The following TFE3 variants were observed in gnomAD, a reference collection of about 807,000 sequenced individuals.
TFE3 encodes transcription factor E3.
Under a neutral mutation model 35.0 loss-of-function variants are expected in TFE3, and 5 were observed. The ratio of observed to expected loss-of-function variants is 0.14; its 90% confidence interval spans 0.07 to 0.30. TFE3 has a LOEUF of 0.30. Ranked by LOEUF, TFE3 falls within the 10% of genes least tolerant of loss-of-function variation. The probability of loss-of-function intolerance (pLI) is 1.00; values close to 1 mark genes in which losing one functional copy is unlikely to be tolerated. For synonymous variants in TFE3, 211 were observed against 215.6 expected (o/e 0.98, Z 0.18); for missense variants, 374 against 496.6 (o/e 0.75, Z 2.35).
rs2147768672 is a variant in TFE3, at chrX:49,031,590, GT to G, written c.1137-47del. On this transcript the variant is annotated intron_variant, in intron 8 of 9. Transcript: ENST00000315869. The stretch of plus-strand genomic sequence containing the variant: ...GCAAGCAGGAAATGCCACATGAGGA[GT>G]TTCTCAGGAGCTGAGGCGGGGATTG... 4.4e-6 allele frequency: 5 copies of G among 1,128,819 alleles called. No individual in the cohort carries two copies. The South Asian group carries it at 8.4e-5, about 19-fold the overall frequency. The allele number at this position is 1,128,819 out of a possible 1,213,427, so 93.0% of individuals were successfully genotyped here.
At position 49,033,600 on chromosome X, in the gene TFE3, A is replaced by T. The variant is rs782342097; in HGVS notation, c.1061-60T>A. ...AGAAAGAGTTGTCAATTAGCCAAAAATGGAAGAGACAGAAAGTAGGGAGTT... is the reference window on the plus strand; with the variant it reads ...AGAAAGAGTTGTCAATTAGCCAAAATTGGAAGAGACAGAAAGTAGGGAGTT... On this transcript the variant is annotated intron_variant, in intron 7 of 9. Transcript: ENST00000315869. The T allele has an allele frequency of 1.6e-5, 19 of 1,188,181 alleles. No homozygotes were observed. The African/African-American group carries it at 2.5e-4, about 15-fold the overall frequency.
rs782537130 is a variant in TFE3 at position 49,037,251 on chromosome X, C to T, written c.885+759G>A. ...CCCAGAGGCTGCAGTGAGCCAAGAT[C>T]GCACCGCTGCACTCCAGCCAGGGTG... On this transcript the variant is annotated intron_variant, in intron 5 of 9. Transcript: ENST00000315869. Among the ~76,000 whole-genome samples, 184 of 110,793 alleles carry T rather than the reference C, an allele frequency of 1.7e-3. 1 individual carries two copies. Among genetic ancestry groups the T allele is most frequent in the African/African-American group, 5.8e-3 (178 of 30,458 alleles).
chrX:49,042,434 C>T (rs1260197820), intron 1 of TFE3, among the ~76,000 whole-genome samples: 2 of 111,229 alleles, frequency 1.8e-5, no homozygotes, highest in Non-Finnish European at 3.8e-5. Flanking sequence ...GAGGGCTTTT[C>T]CACTATCCTT....
chrX:49,037,848 C>T, intron 5 of TFE3, 162 bp downstream of exon 5: 1 of 475,366 alleles, frequency 2.1e-6, no homozygotes, highest in Non-Finnish European at 3.6e-6. Flanking sequence ...CAACAAGGTC[C>T]AAAGGCATTG....
Position 49,030,262 on chromosome X carries a change from A to T in TFE3, c.1624T>A (p.Ser542Thr), listed in dbSNP as rs1218093637. Residue 542 changes from serine (S) to threonine (T), a missense_variant, in exon 10 of 10, where the codon TCC becomes ACC. Around this residue, in one of 3 missense-constraint regions of TFE3, gnomAD observed 117 missense variants for 111.9 expected, o/e 1.05. Coordinates refer to ENST00000315869, the MANE Select transcript of TFE3 (RefSeq NM_006521.6). The part of the protein sequence containing the change: ...VVGGLSGGAL[S>T]PLRAASDPLL... ...GGATCGGAGGCAGCCCGCAGTGGGGACAGGGCACCCCCCGACAGTCCTCCC... is the reference window on the plus strand; with the variant it reads ...GGATCGGAGGCAGCCCGCAGTGGGGTCAGGGCACCCCCCGACAGTCCTCCC... 1.7e-6 allele frequency: 2 copies of T among 1,209,371 alleles called. No individual in the cohort carries two copies. The highest frequency in any genetic ancestry group is 2.2e-6 in the Non-Finnish European group (2 of 894,244).
In TFE3 at chrX:49,031,447, G is replaced by A. The variant is rs1557073718; in HGVS notation, c.1234C>T (p.Arg412Trp). The A allele has an allele frequency of 3.3e-6, 4 of 1,203,549 alleles. No homozygotes were observed. The highest frequency in any genetic ancestry group is 3.4e-6 in the Non-Finnish European group (3 of 891,186). The change falls in exon 9 of 10, where the codon CGG (arginine) becomes TGG (tryptophan). Residue 412 changes from arginine to tryptophan, a missense_variant. Physicochemically the swap from Arg to Trp is moderately radical, Grantham distance 101. Transcript: ENST00000315869. ...TTGGCCTGCTCCAGGGATCGCTGCC[G>A]GCTCTCCAGGTCTTTGGAGCGCTGC... ...EQQRSKDLES[R>W]QRSLEQANRS...
rs187824016 is a variant in TFE3, at chrX:49,029,373, G to A, written c.*785C>T. On this transcript the variant is annotated 3_prime_UTR_variant, in exon 10 of 10. Transcript: ENST00000315869. Reference sequence around the variant, plus strand: ...GTCAGGTTGGTCCCAGGTTAAGGCAGGGGAGCTTAAGTACCACTCCTCCCT... The same window carrying A: ...GTCAGGTTGGTCCCAGGTTAAGGCAAGGGAGCTTAAGTACCACTCCTCCCT... The A allele has an allele frequency of 2.0e-5, 4 of 197,433 alleles. No homozygotes were observed. The highest frequency in any genetic ancestry group is 2.9e-5 in the Non-Finnish European group (3 of 102,937). The allele number at this position is 197,433 out of a possible 1,213,427, so 16.3% of individuals were successfully genotyped here.
chrX:49,038,248 C>T lies in TFE3; in HGVS notation c.729G>A (p.Ala243=), dbSNP rs782613886. 1.2e-5 allele frequency: 14 copies of T among 1,208,710 alleles called. No individual in the cohort carries two copies. Among genetic ancestry groups the T allele is most frequent in the East Asian group, 8.9e-5 (3 of 33,749 alleles). The stretch of plus-strand genomic sequence containing the variant: ...TGAGCAGCGCCATGGGGCTGTTGGG[C>T]GCACTGCCTGTGGGGCCGGTAGTGT... ...AAHTTGPTGS[A]PNSPMALLTI... Residue 243 remains alanine (A), a synonymous_variant, in exon 4 of 10, where the codon GCG becomes GCA. Coordinates refer to ENST00000315869, the MANE Select transcript of TFE3 (RefSeq NM_006521.6).
chrX:49,043,357 C>CGCGG (rs1214225613), upstream of TFE3: 22 of 463,720 alleles, frequency 4.7e-5, no homozygotes, highest in South Asian at 1.0e-3. Flanking sequence ...GCTAGCACTG[C>CGCGG]GCGGGCGGGC....
chrX:49,033,964 A>C (rs192304551), intron 6 of TFE3, among the ~76,000 whole-genome samples, 170 bp downstream of exon 6: 1 of 112,273 alleles, frequency 8.9e-6, no homozygotes, highest in African/African-American at 3.2e-5. Flanking sequence ...GAGGAACTGA[A>C]GTGGGGTGAA....
Position 49,038,317 on chromosome X carries a change from C to T in TFE3, c.660G>A (p.Pro220=), listed in dbSNP as rs1557075112. 6 of 1,204,994 alleles carry T rather than the reference C, an allele frequency of 5.0e-6. No homozygotes were observed. The South Asian group carries it at 5.3e-5, about 11-fold the overall frequency. The stretch of plus-strand genomic sequence containing the variant: ...GCAGTGGCTGGGCACTTGCGGGCCC[C>T]GGCGGTGGGGTGAGGGCCTGGGAAG... ...KLASQALTPP[P]GPASAQPLPA... is the part of the protein sequence containing the mutation. Residue 220 remains proline, a synonymous_variant, in exon 4 of 10, where the codon CCG becomes CCA. Transcript: ENST00000315869.
Position 49,040,487 on chromosome X carries a change from C to T in TFE3, c.198G>A (p.Glu66=). Residue 66 remains glutamate (E), a synonymous_variant, in exon 2 of 10, where the codon GAG becomes GAA. Coordinates refer to ENST00000315869, the MANE Select transcript of TFE3 (RefSeq NM_006521.6). The part of the protein sequence containing the change: ...ENVLDPDSFY[E]LKSQPLPLRS... ...GAAGGGGTAAGGGTTGGCTTTTGAG[C>T]TCGTAGAAGCTGTCAGGATCAAGGA... The T allele has an allele frequency of 8.3e-7, 1 of 1,210,842 alleles. No individual in the cohort carries two copies. The highest frequency in any genetic ancestry group is 1.1e-6 in the Non-Finnish European group (1 of 895,041).
In TFE3 at chrX:49,040,578, A is replaced by T; in HGVS notation, c.117-10T>A. 1.8e-6 allele frequency: 2 copies of T among 1,137,384 alleles called. No homozygotes were observed. The highest frequency in any genetic ancestry group is 2.4e-6 in the Non-Finnish European group (2 of 828,977). 93.7% of individuals were successfully genotyped at this position (1,137,384 alleles called of 1,213,427 possible). Reference sequence around the variant, plus strand: ...AAGCAAAGAGTTCAGGCTGAGGGGGAGGTGGAGTGGTGGTCAGTGATTGAA... The same window carrying T: ...AAGCAAAGAGTTCAGGCTGAGGGGGTGGTGGAGTGGTGGTCAGTGATTGAA... On this transcript the variant is annotated splice_polypyrimidine_tract_variant and intron_variant, in intron 1 of 9. Transcript: ENST00000315869.
rs1557073705 is a variant in TFE3, at chrX:49,031,393, A to G, written c.1284+4T>C. 2 of 1,186,664 alleles carry G rather than the reference A, an allele frequency of 1.7e-6. No individual in the cohort carries two copies. The highest frequency in any genetic ancestry group is 2.3e-6 in the Non-Finnish European group (2 of 881,885). Reference sequence around the variant, plus strand: ...TCCCCCACCACCATCTCCTCTTTTCAAACCTGAATTCGGAGCTGCAGGCTG... The same window carrying G: ...TCCCCCACCACCATCTCCTCTTTTCGAACCTGAATTCGGAGCTGCAGGCTG... On this transcript the variant is annotated splice_donor_region_variant and intron_variant, in intron 9 of 9. Transcript: ENST00000315869.
At chrX:49,036,356 A>T (rs1557074734) in intron 5 of TFE3, among the ~76,000 whole-genome samples, 1 of 105,960 alleles carries the variant, frequency 9.4e-6, no homozygotes. Context: ...AATCTCGGCT[A>T]CTTGGGAGGC....
In TFE3 at chrX:49,038,117, A is replaced by C. The variant is rs782115945; in HGVS notation, c.781-3T>G. ...ATCTCATCAATGACATCATCAATCT[A>C]GGGGAAGAAGTAAATATTATACAGG... On this transcript the variant is annotated splice_polypyrimidine_tract_variant and splice_region_variant and intron_variant, in intron 4 of 9. Coordinates refer to ENST00000315869, the MANE Select transcript of TFE3 (RefSeq NM_006521.6). 5 of 1,210,130 alleles carry C rather than the reference A, an allele frequency of 4.1e-6. No homozygotes were observed. The highest frequency in any genetic ancestry group is 2.3e-4 in the Middle Eastern group (1 of 4,343).
chrX:49,039,225 G>A lies in TFE3; in HGVS notation c.416C>T (p.Ala139Val), dbSNP rs782767466. 140 of 1,204,248 alleles carry A rather than the reference G, an allele frequency of 1.2e-4. No individual in the cohort carries two copies. Among genetic ancestry groups the A allele is most frequent in the Non-Finnish European group, 1.5e-4 (136 of 892,575 alleles). The part of the protein sequence containing the change: ...ERRERREQAA[A>V]APFPSPAPAS... Reference sequence around the variant, plus strand: ...AGGTGCAGGACTGGGGAAGGGAGCCGCGGCGGCCTGTTCCCGACGCTCACG... The same window carrying A: ...AGGTGCAGGACTGGGGAAGGGAGCCACGGCGGCCTGTTCCCGACGCTCACG... Residue 139 changes from alanine (A) to valine (V), a missense_variant, in exon 3 of 10, where the codon GCG (alanine) becomes GTG (valine). This residue lies in a region of TFE3 where 167 missense variants were observed against 297.2 expected (regional missense o/e 0.56). Coordinates refer to ENST00000315869, the MANE Select transcript of TFE3 (RefSeq NM_006521.6).
Position 49,038,117 on chromosome X carries a change from A to G in TFE3, c.781-3T>C, listed in dbSNP as rs782115945. ...ATCTCATCAATGACATCATCAATCTAGGGGAAGAAGTAAATATTATACAGG... is the reference window on the plus strand; with the variant it reads ...ATCTCATCAATGACATCATCAATCTGGGGGAAGAAGTAAATATTATACAGG... On this transcript the variant is annotated splice_polypyrimidine_tract_variant and splice_region_variant and intron_variant, in intron 4 of 9. Coordinates refer to ENST00000315869, the MANE Select transcript of TFE3 (RefSeq NM_006521.6). The G allele has an allele frequency of 8.3e-7, 1 of 1,208,949 alleles. No individual in the cohort carries two copies. Among genetic ancestry groups the G allele is most frequent in the South Asian group, 1.8e-5 (1 of 56,602 alleles).
chrX:49,036,570 C>T (rs148346861), intron 5 of TFE3, among the ~76,000 whole-genome samples: 5,069 of 109,376 alleles, frequency 0.046, 154 homozygotes, highest in Non-Finnish European at 0.074. Context: ...TTTGGGAGGC[C>T]GAGGCAGGCA....
Sources: allele counts gnomAD v4.1 joint callset (sites outside exome capture counted in the v4.1 genomes callset), GRCh38; gene constraint gnomAD v4.1.1; regional missense constraint gnomAD v4.1.1; transcripts MANE v1.5; gene names NCBI Gene and HGNC (gene_info 2026-07-23, HGNC 2026-07-21).